PCDHGA11: variants seen among roughly 807,000 people sequenced by gnomAD.
PCDHGA11 encodes the protein protocadherin gamma subfamily A, 11.
PCDHGA11 carries 39 observed loss-of-function variants against 60.4 expected under a neutral mutation model. That is an observed-to-expected ratio of 0.65 (90% CI 0.50 to 0.84). PCDHGA11 has a LOEUF of 0.84. Ranked by LOEUF, PCDHGA11 falls within the 40% of genes least tolerant of loss-of-function variation. The pLI is 0.00. For synonymous variants in PCDHGA11, 533 were observed against 510.3 expected (o/e 1.04, Z -0.60); for missense variants, 1,165 against 1,197.7 (o/e 0.97, Z 0.40).
At chr5:141,456,224 A>ACT (rs1167290500) in intron 1 of PCDHGA11, among the ~76,000 whole-genome samples, 1 of 152,034 alleles carries the variant, frequency 6.6e-6, no homozygotes, top group Non-Finnish European at 1.5e-5. Context: ...GCGATATCAA[A>ACT]CTAACTGCTG....
chr5:141,424,295 C>T (rs1481053072), intron 1 of PCDHGA11: 1 of 152,526 alleles, frequency 6.6e-6, no homozygotes, highest in East Asian at 1.9e-4. Flanking sequence ...TTTCTTCATC[C>T]TATCAACACA....
At chr5:141,497,284 A>G (rs1486878285) in intron 2 of PCDHGA11, among the ~76,000 whole-genome samples, 1 of 152,104 alleles carries the variant, frequency 6.6e-6, no homozygotes, top group South Asian at 2.1e-4. Context: ...TGTTCCCTCT[A>G]CCTACCACCA....
rs2099388776 is a variant in PCDHGA11, at chr5:141,476,308, C to T, written c.2434-18499C>T. On this transcript the variant is annotated intron_variant, in intron 1 of 3. Coordinates refer to ENST00000398587, the MANE Select transcript of PCDHGA11 (RefSeq NM_018914.3). The surrounding 1 kb of genome is among the most constrained non-coding windows in gnomAD (Gnocchi z 7.6). ...TGGATCTCGGTAGCCTCTCAGCCCG[C>T]AGGTTCCGGGTGGTGTCTGGAGCTA... The T allele has an allele frequency of 1.2e-6, 2 of 1,613,750 alleles. No individual in the cohort carries two copies. The highest frequency in any genetic ancestry group is 2.7e-5 in the African/African-American group (2 of 74,806).
At chr5:141,483,670 A>G (rs1158511173) in intron 1 of PCDHGA11, among the ~76,000 whole-genome samples, 1 of 138,404 alleles carries the variant, frequency 7.2e-6, no homozygotes, top group African/African-American at 3.1e-5. Context: ...GTGTGTGTGT[A>G]AAAGAACACA....
Position 141,490,282 on chromosome 5 carries a change from C to T in PCDHGA11, c.2434-4525C>T, listed in dbSNP as rs763429413. 1.2e-6 allele frequency: 2 copies of T among 1,614,194 alleles called. No individual in the cohort carries two copies. The highest frequency in any genetic ancestry group is 1.7e-6 in the Non-Finnish European group (2 of 1,180,036). ...TGTGGGGGATGTCAATGACAATGCC[C>T]CAGAGGTGCTATTGGCCTCTTTGGC... On this transcript the variant is annotated intron_variant, in intron 1 of 3. Transcript: ENST00000398587. This position sits in a 1 kb window ranked among gnomAD's most constrained non-coding sequence, Gnocchi z 5.4.
Position 141,476,472 on chromosome 5 carries a change from T to C in PCDHGA11, c.2434-18335T>C. On this transcript the variant is annotated intron_variant, in intron 1 of 3. Coordinates refer to ENST00000398587, the MANE Select transcript of PCDHGA11 (RefSeq NM_018914.3). The surrounding 1 kb of genome is among the most constrained non-coding windows in gnomAD (Gnocchi z 7.6). The stretch of plus-strand genomic sequence containing the variant: ...GTAGTGGAGAACCCGCTGGAGCTGT[T>C]CAGCGTGGAAGTGGTGATCCAGGAC... 1 of 1,614,098 alleles carries C rather than the reference T, an allele frequency of 6.2e-7. No homozygotes were observed. The highest frequency in any genetic ancestry group is 8.5e-7 in the Non-Finnish European group (1 of 1,180,024).
intron 3 of PCDHGA11, among the ~76,000 whole-genome samples, chr5:141,510,204 C>T (rs1403130911): frequency 1.3e-5 from 2 of 150,304 alleles, no homozygotes; most frequent in Admixed American, 1.3e-4. Flanking sequence ...GCCCAGGAGG[C>T]AGAGGTTGCA....
In PCDHGA11 at chr5:141,421,964, C is replaced by A. The variant is rs772274014; in HGVS notation, c.737C>A (p.Ser246Tyr). 1.9e-6 allele frequency: 3 copies of A among 1,611,350 alleles called. No individual in the cohort carries two copies. Among genetic ancestry groups the A allele is most frequent in the Non-Finnish European group, 2.5e-6 (3 of 1,178,770 alleles). ...GATCACATCCCAATGTTTACACAGT[C>A]CGTATATCGCGTGAGTGTTCCAGAA... ...VNDHIPMFTQ[S>Y]VYRVSVPENI... Residue 246 changes from serine to tyrosine, a missense_variant, in exon 1 of 4, where the codon TCC becomes TAC. Ser to Tyr is a moderately radical substitution (Grantham distance 144). Transcript: ENST00000398587.
At chr5:141,465,922 T>A (rs7704812) in intron 1 of PCDHGA11, among the ~76,000 whole-genome samples, 42,795 of 151,826 alleles carry the variant, frequency 0.28, 6,697 homozygotes, top group African/African-American at 0.42. Flanking sequence ...GGATTTCGAG[T>A]CCATCCTGGC....
chr5:141,449,098 G>A (rs1314761371), intron 1 of PCDHGA11, among the ~76,000 whole-genome samples: 1 of 152,140 alleles, frequency 6.6e-6, no homozygotes, highest in Admixed American at 6.5e-5. Context: ...TTTTACATAT[G>A]CAGTATATCT....
chr5:141,464,263 TAAA>T (rs35224477), intron 1 of PCDHGA11, among the ~76,000 whole-genome samples: 2 of 103,604 alleles, frequency 1.9e-5, no homozygotes, highest in Non-Finnish European at 1.9e-5. Flanking sequence ...AGACTCCGTC[TAAA>T]AAAAAAAAAA....
Position 141,421,726 on chromosome 5 carries a change from T to G in PCDHGA11, c.499T>G (p.Ser167Ala). The change falls in exon 1 of 4, where the codon TCC becomes GCC. Residue 167 changes from serine to alanine, a missense_variant. Transcript: ENST00000398587. The stretch of plus-strand genomic sequence containing the variant: ...TAGGGATCCAGATGTGGGCGTGAAC[T>G]CCCTCCAGAGCTACCAGCTCAGCCC... The part of the protein sequence containing the change: ...NARDPDVGVN[S>A]LQSYQLSPNN... 1 of 1,613,928 alleles carries G rather than the reference T, an allele frequency of 6.2e-7. No homozygotes were observed. Among genetic ancestry groups the G allele is most frequent in the Non-Finnish European group, 8.5e-7 (1 of 1,179,852 alleles).
chr5:141,423,877 C>G, intron 1 of PCDHGA11: 1 of 1,283,890 alleles, frequency 7.8e-7, no homozygotes, highest in South Asian at 3.4e-5. Flanking sequence ...ATTTTTCAAT[C>G]TTGGCATATT....
intron 2 of PCDHGA11, among the ~76,000 whole-genome samples, chr5:141,501,751 C>G (rs188896150): frequency 1.4e-3 from 218 of 152,250 alleles, no homozygotes; most frequent in South Asian, 3.1e-3. Flanking sequence ...ATAGGAAGCT[C>G]TCAGTAAATG....
At chr5:141,430,244 A>G (rs903055705) in intron 1 of PCDHGA11, among the ~76,000 whole-genome samples, 1 of 105,606 alleles carries the variant, frequency 9.5e-6, no homozygotes, top group Non-Finnish European at 1.8e-5. Context: ...AGAAACTCCT[A>G]GGGAGACATC....
At position 141,422,327 on chromosome 5, in the gene PCDHGA11, T is replaced by C. The variant is rs1561800795; in HGVS notation, c.1100T>C (p.Ile367Thr). ...ILENSPPGTV[I>T]ALLNVQDQDS... Reference sequence around the variant, plus strand: ...GAAAACTCTCCTCCAGGTACAGTGATTGCTCTTCTAAATGTGCAAGATCAA... The same window carrying C: ...GAAAACTCTCCTCCAGGTACAGTGACTGCTCTTCTAAATGTGCAAGATCAA... The change falls in exon 1 of 4, where the codon ATT becomes ACT. Residue 367 changes from isoleucine to threonine, a missense_variant. Transcript: ENST00000398587. 2 of 1,548,652 alleles carry C rather than the reference T, an allele frequency of 1.3e-6. No homozygotes were observed. The highest frequency in any genetic ancestry group is 2.8e-5 in the African/African-American group (2 of 72,350).
Position 141,464,279 on chromosome 5 carries a change from CA to C in PCDHGA11, c.2434-30517del, listed in dbSNP as rs373828487. Among the ~76,000 whole-genome samples, 143 of 137,732 alleles carry C rather than the reference CA, an allele frequency of 1.0e-3. 2 individuals are homozygous for C. The Middle Eastern group carries it at 0.015, about 15-fold the overall frequency. 90.4% of individuals were successfully genotyped at this position (137,732 alleles called of 152,430 possible). A position where few individuals can be genotyped will look rare whatever the true frequency, so the allele number is the denominator to read the frequency against. The stretch of plus-strand genomic sequence containing the variant: ...GACTCCGTCTAAAAAAAAAAAAAAG[CA>C]AAAAAAAAAACTCCATTGTATGTGC... On this transcript the variant is annotated intron_variant, in intron 1 of 3. Transcript: ENST00000398587.
rs202006594 is a variant in PCDHGA11 at position 141,477,618 on chromosome 5, C to G, written c.2434-17189C>G. On this transcript the variant is annotated intron_variant, in intron 1 of 3. Coordinates refer to ENST00000398587, the MANE Select transcript of PCDHGA11 (RefSeq NM_018914.3). The surrounding 1 kb of genome is among the most constrained non-coding windows in gnomAD (Gnocchi z 4.9). ...TCTTTCTTTCTCTTGGAGCAAGGAGCTGAAACCGGGCTAGTGGGTCGCTAT... is the reference window on the plus strand; with the variant it reads ...TCTTTCTTTCTCTTGGAGCAAGGAGGTGAAACCGGGCTAGTGGGTCGCTAT... 6.2e-7 allele frequency: 1 copy of G among 1,614,176 alleles called. No individual in the cohort carries two copies. Among genetic ancestry groups the G allele is most frequent in the East Asian group, 2.2e-5 (1 of 44,890 alleles).
rs760747309 is a variant in PCDHGA11, at chr5:141,477,613, A to G, written c.2434-17194A>G. 1.2e-6 allele frequency: 2 copies of G among 1,614,210 alleles called. No individual in the cohort carries two copies. Among genetic ancestry groups the G allele is most frequent in the Non-Finnish European group, 8.5e-7 (1 of 1,180,044 alleles). ...GGCTTTCTTTCTTTCTCTTGGAGCA[A>G]GGAGCTGAAACCGGGCTAGTGGGTC... On this transcript the variant is annotated intron_variant, in intron 1 of 3. Coordinates refer to ENST00000398587, the MANE Select transcript of PCDHGA11 (RefSeq NM_018914.3). This position sits in a 1 kb window ranked among gnomAD's most constrained non-coding sequence, Gnocchi z 4.9.
Sources: allele counts gnomAD v4.1 joint callset (sites outside exome capture counted in the v4.1 genomes callset), GRCh38; gene constraint gnomAD v4.1.1; non-coding constraint Gnocchi (gnomAD v3.1); transcripts MANE v1.5; gene names NCBI Gene and HGNC (gene_info 2026-07-23, HGNC 2026-07-21).